UST: variants seen among roughly 807,000 people sequenced by gnomAD.
UST encodes uronyl 2-sulfotransferase, also known as chondroitin sulfate 2-O-sulfotransferase.
Under a neutral mutation model 45.6 loss-of-function variants are expected in UST, and 21 were observed. The observed-to-expected ratio is 0.46, with a 90% CI of 0.33 to 0.66. The LOEUF (loss-of-function observed/expected upper bound fraction) is 0.66. UST is among the 30% of genes least tolerant of loss of function. The probability of loss-of-function intolerance (pLI) is 0.02; values close to 1 mark genes in which losing one functional copy is unlikely to be tolerated. For missense variants in UST, 463 were observed against 512.4 expected, an observed-to-expected ratio of 0.90 and a Z score of 0.93; for synonymous variants, 215 against 200.6, an observed-to-expected ratio of 1.07 and a Z score of -0.61.
intron 7 of UST, 69 bp downstream of exon 7, chr6:149,021,550 G>C: frequency 6.5e-7 from 1 of 1,546,754 alleles, no homozygotes; most frequent in Non-Finnish European, 8.8e-7. Flanking sequence ...CCTTGAAAAG[G>C]CCTCAGGAAA....
intron 7 of UST, among the ~76,000 whole-genome samples, chr6:149,025,878 G>T (rs1776043682): frequency 6.6e-6 from 1 of 152,032 alleles, no homozygotes; most frequent in African/African-American, 2.4e-5. Context: ...TCCAGGCGTG[G>T]TGGCTCACAC....
chr6:149,017,960 G>GC (rs1180311509), intron 5 of UST, among the ~76,000 whole-genome samples: 2 of 152,038 alleles, frequency 1.3e-5, no homozygotes, highest in Non-Finnish European at 2.9e-5. Flanking sequence ...ACAGACATAT[G>GC]CACCCCCCTA....
chr6:148,964,684 C>A, intron 5 of UST, 121 bp downstream of exon 5: 2 of 1,316,682 alleles, frequency 1.5e-6, no homozygotes, highest in Non-Finnish European at 2.1e-6. Context: ...GAGCGTGGCG[C>A]AGAGAGGGTG....
At chr6:149,046,539 G>A (rs1776397935) in intron 7 of UST, among the ~76,000 whole-genome samples, 1 of 152,204 alleles carries the variant, frequency 6.6e-6, no homozygotes, top group Non-Finnish European at 1.5e-5. Flanking sequence ...CAGTAGACAT[G>A]GGTTTGAATC....
At position 149,029,538 on chromosome 6, in the gene UST, TA is replaced by T. The variant is rs1325815781; in HGVS notation, c.937+8062del. On this transcript the variant is annotated intron_variant, in intron 7 of 7. Transcript: ENST00000367463. Reference sequence around the variant, plus strand: ...ACACCACTAACTCTGGCTTTAGTTTTAAAAACTAACATTTTAGAAAGCCTGA... The same window carrying T: ...ACACCACTAACTCTGGCTTTAGTTTTAAAACTAACATTTTAGAAAGCCTGA... 3.4e-5 allele frequency among the ~76,000 whole-genome samples: 5 copies of T among 148,912 alleles called. No individual in the cohort carries two copies. In the East Asian group the frequency reaches 9.7e-4, roughly 29 times the overall value.
intron 2 of UST, among the ~76,000 whole-genome samples, chr6:148,897,354 G>A (rs143927651): frequency 0.012 from 1,889 of 151,780 alleles, 37 homozygotes; most frequent in African/African-American, 0.043. Context: ...TTTCAGTAGA[G>A]ATGGGGTTTC....
chr6:148,753,995 A>AT (rs1276566371), intron 1 of UST, among the ~76,000 whole-genome samples: 15,667 of 137,822 alleles, frequency 0.11, 971 homozygotes, highest in Non-Finnish European at 0.14. Flanking sequence ...CATTTTGCTG[A>AT]TTTTTTTTTT....
intron 1 of UST, among the ~76,000 whole-genome samples, chr6:148,850,662 T>A (rs1283839148): frequency 6.6e-6 from 1 of 152,152 alleles, no homozygotes; most frequent in Non-Finnish European, 1.5e-5. Context: ...AGTGTCTCAA[T>A]GGGCAACTGG....
chr6:148,778,469 A>G (rs1464418050), intron 1 of UST, among the ~76,000 whole-genome samples: 1 of 152,202 alleles, frequency 6.6e-6, no homozygotes, highest in Non-Finnish European at 1.5e-5. Context: ...GGGTGACAGA[A>G]AAAGGCACTC....
chr6:149,020,747 C>A (rs374992362), intron 6 of UST, among the ~76,000 whole-genome samples: 1 of 152,148 alleles, frequency 6.6e-6, no homozygotes, highest in African/African-American at 2.4e-5. Context: ...AGCTGGCCTA[C>A]AAATCAGCTC....
chr6:148,944,505 T>TCACA (rs1554228113), intron 3 of UST, among the ~76,000 whole-genome samples: 1 of 65,958 alleles, frequency 1.5e-5, no homozygotes, highest in Non-Finnish European at 2.9e-5. Context: ...GTAGTTGTGA[T>TCACA]CATACACACA....
intron 2 of UST, among the ~76,000 whole-genome samples, chr6:148,931,636 A>G (rs1779923814): frequency 6.6e-6 from 1 of 152,246 alleles, no homozygotes; most frequent in South Asian, 2.1e-4. Flanking sequence ...AATACATAGC[A>G]TGTAAGAAAG....
intron 7 of UST, among the ~76,000 whole-genome samples, chr6:149,029,021 C>G (rs1776094755): frequency 6.6e-6 from 1 of 152,106 alleles, no homozygotes; most frequent in South Asian, 2.1e-4. Context: ...CAGCAGGTGG[C>G]GATGTCTCTC....
intron 2 of UST, among the ~76,000 whole-genome samples, chr6:148,895,282 TTG>T (rs1779104786): frequency 6.6e-6 from 1 of 152,182 alleles, no homozygotes; most frequent in Non-Finnish European, 1.5e-5. Context: ...GCTGTTCAAA[TTG>T]TGTTATCTTC....
intron 1 of UST, among the ~76,000 whole-genome samples, chr6:148,760,612 C>T (rs535855492): frequency 1.3e-5 from 2 of 151,672 alleles, no homozygotes; most frequent in Admixed American, 6.6e-5. Context: ...ACTTTCTCAT[C>T]AGAAGTCATT....
At chr6:148,902,009 T>C (rs1321060126) in intron 2 of UST, among the ~76,000 whole-genome samples, 1 of 152,144 alleles carries the variant, frequency 6.6e-6, no homozygotes, top group Non-Finnish European at 1.5e-5. Flanking sequence ...TATGAAGGTT[T>C]TTGCCAGTTT....
At chr6:149,072,653 CA>C (rs61680098) in intron 7 of UST, among the ~76,000 whole-genome samples, 3,585 of 136,438 alleles carry the variant, frequency 0.026, 116 homozygotes, top group African/African-American at 0.077. Flanking sequence ...AACTCCATCT[CA>C]AAAAAAAAAA....
chr6:149,024,519 C>A (rs543722187), intron 7 of UST, among the ~76,000 whole-genome samples: 1 of 151,788 alleles, frequency 6.6e-6, no homozygotes, highest in South Asian at 2.1e-4. Context: ...AACAAGTTTC[C>A]GTGTCCCCTG....
chr6:148,919,444 G>GTGTGTTTA (rs4047184), intron 2 of UST, among the ~76,000 whole-genome samples: 1 of 147,452 alleles, frequency 6.8e-6, no homozygotes, highest in African/African-American at 2.5e-5. Flanking sequence ...GTGTGTGTGT[G>GTGTGTTTA]TACACTTCTG....
Sources: gnomAD v4.1 joint callset for allele counts (sites outside exome capture counted in the v4.1 genomes callset) on GRCh38, gnomAD v4.1.1 for gene constraint, MANE v1.5 for transcripts, NCBI Gene and HGNC (gene_info 2026-07-23, HGNC 2026-07-21) for gene names.